BTBD8: variants seen among roughly 807,000 people sequenced by gnomAD.
BTBD8 encodes the protein BTB/POZ domain-containing protein 8.
Under a neutral mutation model 162.9 loss-of-function variants are expected in BTBD8, and 110 were observed. The observed-to-expected ratio is 0.68, with a 90% CI of 0.58 to 0.79. The LOEUF (loss-of-function observed/expected upper bound fraction) is 0.79, where lower values mean the gene tolerates loss of function less well. BTBD8 is among the 30% of genes least tolerant of loss of function. BTBD8 has a pLI of 0.00. For missense variants in BTBD8, 1,905 were observed against 2,085.4 expected, an observed-to-expected ratio of 0.91 and a Z score of 1.68; for synonymous variants, 667 against 716.1, an observed-to-expected ratio of 0.93 and a Z score of 1.10.
chr1:92,108,087 A>C, intron 4 of BTBD8, 86 bp downstream of exon 4: 3 of 1,296,308 alleles, frequency 2.3e-6, no homozygotes, highest in Non-Finnish European at 3.3e-6. Flanking sequence ...GGTGGTTTTC[A>C]AACTCTGGTT....
At chr1:92,110,733 C>T (rs1648867743) in intron 4 of BTBD8, among the ~76,000 whole-genome samples, 1 of 152,044 alleles carries the variant, frequency 6.6e-6, no homozygotes, top group Non-Finnish European at 1.5e-5. Context: ...TTAGTAGAGA[C>T]AGGGTTTCAC....
intron 4 of BTBD8, among the ~76,000 whole-genome samples, chr1:92,116,769 T>C (rs568869541): frequency 8.5e-5 from 13 of 152,140 alleles, no homozygotes; most frequent in Middle Eastern, 3.4e-3. Flanking sequence ...CTATCCAGTC[T>C]CATAATCTCC....
intron 6 of BTBD8, among the ~76,000 whole-genome samples, chr1:92,140,260 G>GAA (rs146003632): frequency 2.3e-4 from 34 of 149,954 alleles, no homozygotes; most frequent in African/African-American, 4.4e-4. Context: ...GTTCTTGGGG[G>GAA]AAAAAAAAAC....
chr1:92,147,094 A>G lies in BTBD8; in HGVS notation c.931-86A>G, dbSNP rs938653209. On this transcript the variant is annotated intron_variant, in intron 7 of 17. Transcript: ENST00000636805. ...TGTATGTGTTCTGCAGTTTAGGTAT[A>G]TAAATTGGATTATCTTTATGAACCA... The G allele has an allele frequency of 1.1e-5, 11 of 960,694 alleles. No individual in the cohort carries two copies. In the East Asian group the frequency reaches 2.6e-4, roughly 23 times the overall value. 59.5% of individuals were successfully genotyped at this position (960,694 alleles called of 1,614,324 possible). A position where few individuals can be genotyped will look rare whatever the true frequency, so the allele number is the denominator to read the frequency against.
At chr1:92,145,280 T>A (rs1276035839) in intron 7 of BTBD8, among the ~76,000 whole-genome samples, 1 of 152,158 alleles carries the variant, frequency 6.6e-6, no homozygotes, top group Admixed American at 6.5e-5. Flanking sequence ...TCAATTTTTT[T>A]AATACTAATA....
chr1:92,180,229 A>G, intron 16 of BTBD8, 36 bp from the exon 17 acceptor site: 1 of 1,412,278 alleles, frequency 7.1e-7, no homozygotes, highest in Non-Finnish European at 9.4e-7. Context: ...TGGAGGTGAT[A>G]TTACATTACT....
At chr1:92,169,363 A>G (rs1360689945) in intron 12 of BTBD8, among the ~76,000 whole-genome samples, 2 of 152,220 alleles carry the variant, frequency 1.3e-5, no homozygotes, top group Admixed American at 6.5e-5. Context: ...ATGTTTTGTC[A>G]TAAAGCTTTT....
At chr1:92,172,289 C>T (rs1353432085) in intron 13 of BTBD8, among the ~76,000 whole-genome samples, 2 of 152,090 alleles carry the variant, frequency 1.3e-5, no homozygotes, top group Non-Finnish European at 2.9e-5. Context: ...GGGAGTTGTT[C>T]AATGAGTACA....
intron 5 of BTBD8, among the ~76,000 whole-genome samples, chr1:92,131,026 A>G (rs1240720428): frequency 6.6e-6 from 1 of 152,160 alleles, no homozygotes; most frequent in East Asian, 1.9e-4. Context: ...TTTAAATACT[A>G]ATATAACACT....
chr1:92,128,185 C>G (rs918598866), intron 4 of BTBD8, among the ~76,000 whole-genome samples: 7 of 151,884 alleles, frequency 4.6e-5, no homozygotes, highest in African/African-American at 1.5e-4. Context: ...GGTGCGATCT[C>G]GGCTCACTGC....
At chr1:92,167,771 T>C (rs1458544603) in intron 10 of BTBD8, 77 bp from the exon 11 acceptor site, 2 of 1,175,094 alleles carry the variant, frequency 1.7e-6, no homozygotes, top group Non-Finnish European at 2.4e-6. Flanking sequence ...GTTATAATGA[T>C]CTGTTACGCC....
chr1:92,141,441 A>G (rs1649774088), intron 7 of BTBD8, among the ~76,000 whole-genome samples: 1 of 152,230 alleles, frequency 6.6e-6, no homozygotes, highest in Admixed American at 6.5e-5. Context: ...GGTATTGAGT[A>G]GGAGTATCCT....
At chr1:92,107,554 A>G (rs185814108) in intron 3 of BTBD8, among the ~76,000 whole-genome samples, 2 of 152,298 alleles carry the variant, frequency 1.3e-5, no homozygotes, top group African/African-American at 4.8e-5. Flanking sequence ...AATAGGCTAT[A>G]TCATCTAGGT....
chr1:92,147,280 T>G lies in BTBD8; in HGVS notation c.1019+12T>G, dbSNP rs1170633205. On this transcript the variant is annotated intron_variant, in intron 8 of 17. Coordinates refer to ENST00000636805, the MANE Select transcript of BTBD8 (RefSeq NM_001376131.1). ...GCTGACTGCATGAAGTAAGTTATGTTAAGTAGTGCTGATACTATTAATTTA... is the reference window on the plus strand; with the variant it reads ...GCTGACTGCATGAAGTAAGTTATGTGAAGTAGTGCTGATACTATTAATTTA... 1 of 1,580,978 alleles carries G rather than the reference T, an allele frequency of 6.3e-7. No homozygotes were observed.
chr1:92,168,903 T>G lies in BTBD8; in HGVS notation c.1481T>G (p.Leu494Arg). The change falls in exon 12 of 18, where the codon CTG becomes CGG. Residue 494 changes from leucine (L) to arginine (R), a missense_variant. By Grantham distance (102) the Leu-to-Arg change is moderately radical. Around this residue, in one of 3 missense-constraint regions of BTBD8, gnomAD observed 1,374 missense variants for 1,442.7 expected, o/e 0.95. Transcript: ENST00000636805. ...AAGATCCAGGCTCTGCGTGATAAGC[T>G]GTGGATCTTCCTGGTTCAGTCTTTC... Reference protein sequence around the residue: ...TCKIQALRDKLWIFLVQSFYA... With the variant: ...TCKIQALRDKRWIFLVQSFYA... 6.5e-7 allele frequency: 1 copy of G among 1,544,888 alleles called. No individual in the cohort carries two copies. Among genetic ancestry groups the G allele is most frequent in the South Asian group, 1.2e-5 (1 of 83,318 alleles).
intron 12 of BTBD8, 103 bp from the exon 13 acceptor site, chr1:92,171,296 C>T: frequency 1.3e-6 from 1 of 795,384 alleles, no homozygotes; most frequent in Non-Finnish European, 1.9e-6. Flanking sequence ...TAAGTTATTT[C>T]CATCAAAATA....
In BTBD8 at chr1:92,147,167, C is replaced by T; in HGVS notation, c.931-13C>T. ...TGAAAAGGAATAAATATGGTGTTTT[C>T]CATCAATTTTAGCCTGTTCCCAGAA... On this transcript the variant is annotated splice_polypyrimidine_tract_variant and intron_variant, in intron 7 of 17. Coordinates refer to ENST00000636805, the MANE Select transcript of BTBD8 (RefSeq NM_001376131.1). The T allele has an allele frequency of 1.3e-6, 2 of 1,563,390 alleles. No homozygotes were observed. Among genetic ancestry groups the T allele is most frequent in the Non-Finnish European group, 8.7e-7 (1 of 1,149,088 alleles).
chr1:92,159,121 T>C (rs897467202), intron 9 of BTBD8, among the ~76,000 whole-genome samples: 2 of 152,080 alleles, frequency 1.3e-5, no homozygotes, highest in Non-Finnish European at 2.9e-5. Flanking sequence ...GAATCATAAG[T>C]GATTCATTAC....
chr1:92,181,874 A>C lies in BTBD8; in HGVS notation c.4191A>C (p.Glu1397Asp). The C allele has an allele frequency of 6.4e-7, 1 of 1,551,048 alleles. No individual in the cohort carries two copies. The change falls in exon 17 of 18, where the codon GAA (glutamate) becomes GAC (aspartate). Residue 1397 changes from glutamate to aspartate, a missense_variant. Transcript: ENST00000636805. ...GATCTGAAGCTGAAAACGTTGCAGA[A>C]AATTTCTCTATATCTAACCCAGCTC... is the stretch of plus-strand genomic sequence containing the variant. The part of the protein sequence containing the change: ...DERSEAENVA[E>D]NFSISNPAPQ...
Sources: allele counts gnomAD v4.1 joint callset (sites outside exome capture counted in the v4.1 genomes callset), GRCh38; gene constraint gnomAD v4.1.1; regional missense constraint gnomAD v4.1.1; transcripts MANE v1.5; gene names NCBI Gene and HGNC (gene_info 2026-07-23, HGNC 2026-07-21).